The following MCM10 variants were observed in gnomAD, a reference collection of about 807,000 sequenced individuals.
MCM10 encodes minichromosome maintenance 10 replication initiation factor, also known as protein MCM10 homolog.
Under a neutral mutation model 109.9 loss-of-function variants are expected in MCM10, and 91 were observed. That is an observed-to-expected ratio of 0.83 (90% CI 0.70 to 0.99). The LOEUF (loss-of-function observed/expected upper bound fraction) is 0.99. Among genes scored for constraint, MCM10 ranks in the 50% least tolerant of loss-of-function variants. MCM10 has a pLI of 0.00. For missense variants in MCM10, 1,077 were observed against 1,061.2 expected, an observed-to-expected ratio of 1.01 and a Z score of -0.21; for synonymous variants, 380 against 387.2, an observed-to-expected ratio of 0.98 and a Z score of 0.22.
intron 8 of MCM10, among the ~76,000 whole-genome samples, chr10:13,183,847 G>A (rs542537280): frequency 6.6e-6 from 1 of 152,080 alleles, no homozygotes; most frequent in East Asian, 1.9e-4. Context: ...ACCATGCTCT[G>A]CTAATTTTTG....
chr10:13,206,123 A>G (rs1049539511), intron 18 of MCM10, among the ~76,000 whole-genome samples: 1 of 152,136 alleles, frequency 6.6e-6, no homozygotes, highest in Non-Finnish European at 1.5e-5. Flanking sequence ...GTGAACGTGT[A>G]CTGCTTGCTC....
At chr10:13,166,646 A>C (rs1834001111) in intron 2 of MCM10, among the ~76,000 whole-genome samples, 1 of 70,244 alleles carries the variant, frequency 1.4e-5, no homozygotes, top group African/African-American at 4.8e-5. Context: ...AAAAAAAAAA[A>C]AAAATACATA....
intron 13 of MCM10, among the ~76,000 whole-genome samples, chr10:13,192,852 G>C (rs1182405049): frequency 6.6e-6 from 1 of 151,962 alleles, no homozygotes; most frequent in South Asian, 2.1e-4. Flanking sequence ...GGGGGAGAGC[G>C]TAGGTTCACA....
chr10:13,195,166 C>T lies in MCM10; in HGVS notation c.1871C>T (p.Thr624Met), dbSNP rs764318577. 91 of 1,614,024 alleles carry T rather than the reference C, an allele frequency of 5.6e-5. No individual in the cohort carries two copies. The South Asian group carries it at 6.7e-4, about 12-fold the overall frequency. Reference protein sequence around the residue: ...PRLEGAPATMTPKLGRGVLEG... With the variant: ...PRLEGAPATMMPKLGRGVLEG... ...CTGGAGGGAGCCCCGGCCACAATGA[C>T]GCCCAAGCTGGGGCGAGGTGTCTTG... Residue 624 changes from threonine (T) to methionine (M), a missense_variant, in exon 14 of 20, where the codon ACG becomes ATG. Coordinates refer to ENST00000378714, the MANE Select transcript of MCM10 (RefSeq NM_018518.5).
chr10:13,189,559 G>C (rs7907032), intron 10 of MCM10, among the ~76,000 whole-genome samples: 43,354 of 152,116 alleles, frequency 0.29, 6,497 homozygotes, highest in East Asian at 0.4. Context: ...CTGACCTCAG[G>C]TGATCTGCCT....
intron 11 of MCM10, among the ~76,000 whole-genome samples, chr10:13,191,894 T>A (rs921014531): frequency 7.4e-5 from 11 of 149,330 alleles, no homozygotes; most frequent in Admixed American, 1.3e-4. Context: ...AACAAAAAAA[T>A]TTTTAATAAA....
chr10:13,177,610 A>C (rs545740612), intron 6 of MCM10, among the ~76,000 whole-genome samples: 1 of 148,632 alleles, frequency 6.7e-6, no homozygotes, highest in Non-Finnish European at 1.5e-5. Flanking sequence ...GGTGGCTTAC[A>C]CCTGTAATCC....
chr10:13,183,058 C>T lies in MCM10; in HGVS notation c.1056C>T (p.Ile352=). 6.2e-7 allele frequency: 1 copy of T among 1,614,110 alleles called. No homozygotes were observed. Among genetic ancestry groups the T allele is most frequent in the Non-Finnish European group, 8.5e-7 (1 of 1,179,994 alleles). ...WKTEQGTVVG[I]LNANPMKPKD... The stretch of plus-strand genomic sequence containing the variant: ...CGGAGCAGGGGACTGTCGTAGGGAT[C>T]CTCAATGCCAACCCCATGAAGCCCA... The change falls in exon 8 of 20, where the codon ATC becomes ATT. Residue 352 remains isoleucine, a synonymous_variant. Coordinates refer to ENST00000378714, the MANE Select transcript of MCM10 (RefSeq NM_018518.5).
intron 7 of MCM10, among the ~76,000 whole-genome samples, chr10:13,181,705 A>G (rs982522467): frequency 4.6e-5 from 7 of 152,200 alleles, no homozygotes; most frequent in African/African-American, 7.2e-5. Flanking sequence ...ATTAAAGATT[A>G]CCCGGTCTTA....
intron 16 of MCM10, 104 bp downstream of exon 16, chr10:13,198,911 T>G: frequency 1.3e-6 from 1 of 792,540 alleles, no homozygotes; most frequent in Non-Finnish European, 2.1e-6. Context: ...ATTTTGTTTT[T>G]CTGAGACAGA....
At chr10:13,200,500 C>T (rs150651960) in intron 16 of MCM10, among the ~76,000 whole-genome samples, 1 of 152,256 alleles carries the variant, frequency 6.6e-6, no homozygotes, top group Admixed American at 6.5e-5. Context: ...ACTAATGAGA[C>T]AGTTCTGCAT....
chr10:13,197,200 A>C (rs1000656443), intron 14 of MCM10, among the ~76,000 whole-genome samples: 1 of 152,170 alleles, frequency 6.6e-6, no homozygotes, highest in Admixed American at 6.5e-5. Context: ...TGGGTTTACA[A>C]TGAGCTACCA....
At chr10:13,164,001 G>C (rs1394512065) in intron 1 of MCM10, 127 bp from the exon 2 acceptor site, 12 of 394,576 alleles carry the variant, frequency 3.0e-5, no homozygotes, top group Non-Finnish European at 5.0e-5. Flanking sequence ...GGTGAGAAAT[G>C]GTCAGATTCT....
At position 13,172,717 on chromosome 10, in the gene MCM10, C is replaced by T. The variant is rs1834091144; in HGVS notation, c.544C>T (p.Leu182=). 1 of 1,614,146 alleles carries T rather than the reference C, an allele frequency of 6.2e-7. No homozygotes were observed. The highest frequency in any genetic ancestry group is 8.5e-7 in the Non-Finnish European group (1 of 1,180,034). Residue 182 remains leucine, a synonymous_variant, in exon 5 of 20, where the codon CTA becomes TTA. Transcript: ENST00000378714. The surrounding 1 kb of genome is among the most constrained non-coding windows in gnomAD (Gnocchi z 5.2). ...TTCTGCGGAGCTTGATGTCCCTGCG[C>T]TACCAAGAACCAAGAGGGTGGCTCG... ...CFSAELDVPA[L]PRTKRVARTP...
intron 2 of MCM10, among the ~76,000 whole-genome samples, chr10:13,164,737 A>T (rs1317177236): frequency 1.3e-5 from 2 of 152,188 alleles, no homozygotes; most frequent in Non-Finnish European, 2.9e-5. Context: ...TAGAAAAGAG[A>T]TGTTGCACTA....
rs1163970810 is a variant in MCM10 at position 13,201,420 on chromosome 10, G to T, written c.2239-1G>T. ...TCTTTCATTATGCCCTGTCATTCCAGGCCGAGGCTGAGATGCAGGAGCGCT... is the reference window on the plus strand; with the variant it reads ...TCTTTCATTATGCCCTGTCATTCCATGCCGAGGCTGAGATGCAGGAGCGCT... On this transcript the variant is annotated splice_acceptor_variant, in intron 16 of 19. Transcript: ENST00000378714. LOFTEE classifies it high-confidence loss of function. The T allele has an allele frequency of 6.2e-7, 1 of 1,607,474 alleles. No individual in the cohort carries two copies. The highest frequency in any genetic ancestry group is 2.2e-5 in the East Asian group (1 of 44,696).
chr10:13,204,996 ATG>A lies in MCM10; in HGVS notation c.2498+634_2498+635del, dbSNP rs1219149698. 6.6e-3 allele frequency among the ~76,000 whole-genome samples: 30 copies of A among 4,540 alleles called. 1 individual carries two copies. Among genetic ancestry groups the A allele is most frequent in the East Asian group, 0.018 (2 of 114 alleles). The allele number at this position is 4,540 out of a possible 152,430, so 3.0% of individuals were successfully genotyped here. On this transcript the variant is annotated intron_variant, in intron 18 of 19. Transcript: ENST00000378714. The stretch of plus-strand genomic sequence containing the variant: ...TATTGTGCTTCTCATGTATGTATGT[ATG>A]TATGTATATATATATATATATATAT...
chr10:13,178,126 G>A (rs1262155314), intron 6 of MCM10, among the ~76,000 whole-genome samples: 1 of 152,038 alleles, frequency 6.6e-6, no homozygotes, highest in African/African-American at 2.4e-5. Flanking sequence ...AGACAGTCTT[G>A]CTCTGTTCCC....
chr10:13,168,318 G>A (rs1834028620), intron 2 of MCM10, among the ~76,000 whole-genome samples: 3 of 152,204 alleles, frequency 2.0e-5, no homozygotes, highest in Admixed American at 6.5e-5. Flanking sequence ...CTCTGACTGA[G>A]CATTAGGCCC....
Sources: allele counts gnomAD v4.1 joint callset (sites outside exome capture counted in the v4.1 genomes callset), GRCh38; gene constraint gnomAD v4.1.1; non-coding constraint Gnocchi (gnomAD v3.1); transcripts MANE v1.5; gene names NCBI Gene and HGNC (gene_info 2026-07-23, HGNC 2026-07-21).